Variants in EPHA5 observed in about 807,000 individuals in gnomAD.
EPHA5 encodes ephrin type-A receptor 5.
In EPHA5, 60 loss-of-function variants were observed where a neutral mutation model predicts 105.0. The observed-to-expected ratio is 0.57, with a 90% CI of 0.46 to 0.71. EPHA5 has a LOEUF of 0.71. Among genes scored for constraint, EPHA5 ranks in the 30% least tolerant of loss-of-function variants. EPHA5 has a pLI of 0.00. For missense variants in EPHA5, 1,218 were observed against 1,274.7 expected, an observed-to-expected ratio of 0.96 and a Z score of 0.68; for synonymous variants, 513 against 449.1, an observed-to-expected ratio of 1.14 and a Z score of -1.80.
chr4:65,492,988 G>GT (rs5858963), intron 4 of EPHA5, among the ~76,000 whole-genome samples: 3,099 of 149,078 alleles, frequency 0.021, 44 homozygotes, highest in African/African-American at 0.03. Flanking sequence ...GTTTTGTTTT[G>GT]TTTTGTTTTT....
chr4:65,569,683 C>T (rs904254268), intron 3 of EPHA5, among the ~76,000 whole-genome samples: 1 of 151,412 alleles, frequency 6.6e-6, no homozygotes, highest in African/African-American at 2.4e-5. Context: ...AATGAATGAC[C>T]ATTAATTATT....
At chr4:65,454,133 A>T (rs893417645) in intron 5 of EPHA5, among the ~76,000 whole-genome samples, 5 of 152,038 alleles carry the variant, frequency 3.3e-5, no homozygotes, top group African/African-American at 1.2e-4. Flanking sequence ...ATACAAAATT[A>T]GCCGGGCATG....
At chr4:65,610,878 C>T (rs1179687139) in intron 2 of EPHA5, among the ~76,000 whole-genome samples, 2 of 152,028 alleles carry the variant, frequency 1.3e-5, no homozygotes, top group East Asian at 1.9e-4. Context: ...ATGGAGACAC[C>T]TTCATACTTA....
intron 14 of EPHA5, among the ~76,000 whole-genome samples, chr4:65,345,807 C>A (rs1272682093): frequency 2.0e-5 from 3 of 151,998 alleles, no homozygotes; most frequent in Non-Finnish European, 4.4e-5. Context: ...GAGTCTCGCT[C>A]TGTCGCCCAG....
At chr4:65,476,648 A>G (rs1729852718) in intron 5 of EPHA5, among the ~76,000 whole-genome samples, 1 of 152,176 alleles carries the variant, frequency 6.6e-6, no homozygotes, top group African/African-American at 2.4e-5. Flanking sequence ...CACTATCTCA[A>G]TGACAGGATC....
intron 4 of EPHA5, among the ~76,000 whole-genome samples, chr4:65,494,767 A>G (rs1425085426): frequency 6.6e-6 from 1 of 152,116 alleles, no homozygotes; most frequent in Non-Finnish European, 1.5e-5. Flanking sequence ...TAGCAAAAAA[A>G]TTGGTGTATG....
intron 2 of EPHA5, among the ~76,000 whole-genome samples, chr4:65,614,029 A>G (rs544756733): frequency 6.6e-6 from 1 of 152,100 alleles, no homozygotes; most frequent in East Asian, 1.9e-4. Flanking sequence ...AATGCCAAGA[A>G]TTCTAGAAAA....
intron 3 of EPHA5, among the ~76,000 whole-genome samples, chr4:65,512,103 T>C (rs889141118): frequency 5.3e-5 from 8 of 152,226 alleles, no homozygotes; most frequent in Non-Finnish European, 8.8e-5. Context: ...TACCCAATGG[T>C]GGGGAATGAA....
intron 11 of EPHA5, among the ~76,000 whole-genome samples, chr4:65,364,246 C>T (rs1717633054): frequency 6.6e-6 from 1 of 151,518 alleles, no homozygotes; most frequent in South Asian, 2.1e-4. Flanking sequence ...ATTTCGGTAA[C>T]TTATGTGTGT....
chr4:65,553,386 T>G (rs1012234842), intron 3 of EPHA5, among the ~76,000 whole-genome samples: 4 of 152,100 alleles, frequency 2.6e-5, no homozygotes, highest in African/African-American at 9.7e-5. Context: ...TTAAAGTGAC[T>G]GTTACTTTAT....
intron 15 of EPHA5, 113 bp from the exon 16 acceptor site, chr4:65,332,241 T>C: frequency 2.4e-6 from 2 of 832,954 alleles, no homozygotes; most frequent in East Asian, 3.2e-5. Flanking sequence ...AGTATATTTA[T>C]AGAGGAAAAA....
chr4:65,390,125 G>C (rs570456385), intron 8 of EPHA5, among the ~76,000 whole-genome samples: 1 of 151,956 alleles, frequency 6.6e-6, no homozygotes, highest in Non-Finnish European at 1.5e-5. Context: ...TCTCTGGCTG[G>C]GGAAAGACTG....
At chr4:65,604,899 T>C (rs771333309) in intron 2 of EPHA5, among the ~76,000 whole-genome samples, 4 of 152,172 alleles carry the variant, frequency 2.6e-5, no homozygotes, top group Non-Finnish European at 5.9e-5. Context: ...TGTTGGATTT[T>C]CCATGACTTC....
In EPHA5 at chr4:65,566,705, G is replaced by T. The variant is rs554434445; in HGVS notation, c.910+34936C>A. ...TTAGCAATGCCTCTTCCTGTCAGTT[G>T]TAAGGCTTGTCTGTATTATGCCACT... On this transcript the variant is annotated intron_variant, in intron 3 of 16. Transcript: ENST00000613740. 6.6e-5 allele frequency among the ~76,000 whole-genome samples: 10 copies of T among 151,836 alleles called. No homozygotes were observed. The East Asian group carries it at 1.9e-3, about 29-fold the overall frequency.
chr4:65,558,817 G>T (rs533715761), intron 3 of EPHA5, among the ~76,000 whole-genome samples: 8 of 152,032 alleles, frequency 5.3e-5, no homozygotes, highest in Non-Finnish European at 1.2e-4. Flanking sequence ...TCTGCTTGGG[G>T]ACCTGGCATT....
chr4:65,570,168 G>C (rs1253963764), intron 3 of EPHA5, among the ~76,000 whole-genome samples: 1 of 151,696 alleles, frequency 6.6e-6, no homozygotes, highest in African/African-American at 2.4e-5. Context: ...TTCCTAAAAA[G>C]AAGATGATAG....
chr4:65,376,011 T>C (rs562988503), intron 8 of EPHA5, among the ~76,000 whole-genome samples: 1 of 151,298 alleles, frequency 6.6e-6, no homozygotes, highest in Non-Finnish European at 1.5e-5. Flanking sequence ...TACATCATCC[T>C]GTGTTTGTTC....
chr4:65,553,402 C>A (rs943024529), intron 3 of EPHA5, among the ~76,000 whole-genome samples: 2 of 151,950 alleles, frequency 1.3e-5, no homozygotes, highest in African/African-American at 4.8e-5. Context: ...TTTATGTTTT[C>A]TCCACCTAAC....
intron 5 of EPHA5, among the ~76,000 whole-genome samples, chr4:65,450,108 A>AC (rs111713072): frequency 6.6e-6 from 1 of 152,146 alleles, no homozygotes; most frequent in Admixed American, 6.6e-5. Flanking sequence ...GTTTTTAAAT[A>AC]TTTTTTTTAC....
Sources: allele counts gnomAD v4.1 joint callset (sites outside exome capture counted in the v4.1 genomes callset), GRCh38; gene constraint gnomAD v4.1.1; transcripts MANE v1.5; gene names NCBI Gene and HGNC (gene_info 2026-07-23, HGNC 2026-07-21).